The following AGPAT5 variants were observed in gnomAD, a reference collection of about 807,000 sequenced individuals.
AGPAT5 encodes the protein 1-acyl-sn-glycerol-3-phosphate acyltransferase epsilon.
Under a neutral mutation model 45.6 loss-of-function variants are expected in AGPAT5, and 46 were observed. The observed-to-expected ratio is 1.01, with a 90% CI of 0.80 to 1.29. AGPAT5 has a LOEUF of 1.29. AGPAT5 is among the 50% of genes most tolerant of loss of function. AGPAT5 has a pLI of 0.00. For synonymous variants in AGPAT5, 272 were observed against 167.0 expected (o/e 1.63, Z -4.85); for missense variants, 673 against 450.7 (o/e 1.49, Z -4.47).
At chr8:6,724,684 A>G (rs1356150977) in intron 1 of AGPAT5, among the ~76,000 whole-genome samples, 186 bp from the exon 2 acceptor site, 6 of 152,176 alleles carry the variant, frequency 3.9e-5, no homozygotes, top group Admixed American at 2.6e-4. Flanking sequence ...AACCTGTACT[A>G]TACATAACTG....
Position 6,747,841 on chromosome 8 carries a change from A to C in AGPAT5, c.745+13A>C, listed in dbSNP as rs1360274120. On this transcript the variant is annotated intron_variant, in intron 6 of 7. Transcript: ENST00000285518. ...CCGACCATGACGGGTAAGTGTGTTC[A>C]CGCACCTGAAATGCCTGTACACGGT... 12 of 1,613,484 alleles carry C rather than the reference A, an allele frequency of 7.4e-6. No individual in the cohort carries two copies. The highest frequency in any genetic ancestry group is 8.5e-6 in the Non-Finnish European group (10 of 1,179,604).
At chr8:6,732,200 G>T (rs1800888311) in intron 3 of AGPAT5, among the ~76,000 whole-genome samples, 1 of 152,038 alleles carries the variant, frequency 6.6e-6, no homozygotes, top group Non-Finnish European at 1.5e-5. Flanking sequence ...ACGCTTTTTA[G>T]TGACTCTGTA....
chr8:6,749,479 C>T (rs201497819), intron 6 of AGPAT5, among the ~76,000 whole-genome samples: 2 of 152,126 alleles, frequency 1.3e-5, no homozygotes, highest in South Asian at 2.1e-4. Flanking sequence ...TAAAACTGTA[C>T]GAAATGCACA....
chr8:6,751,777 C>G (rs1476072764), intron 6 of AGPAT5, among the ~76,000 whole-genome samples: 1 of 151,936 alleles, frequency 6.6e-6, no homozygotes, highest in East Asian at 1.9e-4. Flanking sequence ...TTAAGGACAA[C>G]CTTTGGTATT....
At chr8:6,713,210 T>G (rs942833728) in intron 1 of AGPAT5, among the ~76,000 whole-genome samples, 1 of 152,226 alleles carries the variant, frequency 6.6e-6, no homozygotes, top group Non-Finnish European at 1.5e-5. Flanking sequence ...CCTCAGGTGA[T>G]CCTTCTGCCT....
rs77813810 is a variant in AGPAT5 at position 6,719,845 on chromosome 8, A to T, written c.220-5025A>T. 4.8e-4 allele frequency among the ~76,000 whole-genome samples: 73 copies of T among 152,308 alleles called. No individual in the cohort carries two copies. The East Asian group carries it at 0.014, about 29-fold the overall frequency. On this transcript the variant is annotated intron_variant, in intron 1 of 7. Transcript: ENST00000285518. ...TGTTCTAATCCGAGTGAACCTGACG[A>T]AAATGGAAGGTTTGGAGTCAATGCA...
intron 5 of AGPAT5, among the ~76,000 whole-genome samples, chr8:6,747,373 A>G (rs1801509765): frequency 1.3e-5 from 2 of 152,170 alleles, no homozygotes; most frequent in African/African-American, 4.8e-5. Flanking sequence ...GAGGGCACTA[A>G]TATTTACCCT....
Position 6,760,979 on chromosome 8 carries a change from C to T in AGPAT5, c.*3591C>T, listed in dbSNP as rs1446044604. On this transcript the variant is annotated 3_prime_UTR_variant, in exon 8 of 8. Coordinates refer to ENST00000285518, the MANE Select transcript of AGPAT5 (RefSeq NM_018361.5). ...AGTAGCTACAACTCTTCGATACTAT[C>T]ATCAATATTTGACATCTTTTCCAAT... is the stretch of plus-strand genomic sequence containing the variant. 6.6e-6 allele frequency among the ~76,000 whole-genome samples: 1 copy of T among 152,186 alleles called. No homozygotes were observed.
intron 5 of AGPAT5, 35 bp from the exon 6 acceptor site, chr8:6,747,635 T>C (rs1438490805): frequency 6.3e-7 from 1 of 1,587,366 alleles, no homozygotes; most frequent in Non-Finnish European, 8.6e-7. Context: ...AGGTGTTTTG[T>C]AACTAATTAA....
rs751304366 is a variant in AGPAT5, at chr8:6,747,654, C to G, written c.587-16C>G. The stretch of plus-strand genomic sequence containing the variant: ...GTTTTGTAACTAATTAATGACGGCA[C>G]TGAATTGACTTCTAGGCCTTGCAGT... On this transcript the variant is annotated splice_polypyrimidine_tract_variant and intron_variant, in intron 5 of 7. Coordinates refer to ENST00000285518, the MANE Select transcript of AGPAT5 (RefSeq NM_018361.5). The G allele has an allele frequency of 3.1e-6, 5 of 1,602,316 alleles. No individual in the cohort carries two copies. Among genetic ancestry groups the G allele is most frequent in the Non-Finnish European group, 4.3e-6 (5 of 1,172,196 alleles).
At chr8:6,755,946 A>T (rs900248324) in intron 7 of AGPAT5, among the ~76,000 whole-genome samples, 1 of 152,134 alleles carries the variant, frequency 6.6e-6, no homozygotes, top group East Asian at 1.9e-4. Context: ...ATTTAAAAGT[A>T]AGATCTACAT....
intron 1 of AGPAT5, among the ~76,000 whole-genome samples, chr8:6,724,569 G>A (rs1419797410): frequency 6.6e-6 from 1 of 152,188 alleles, no homozygotes; most frequent in Non-Finnish European, 1.5e-5. Flanking sequence ...TTTGAAGGAA[G>A]ATATATCTTA....
At chr8:6,733,563 G>A (rs1341901050) in intron 4 of AGPAT5, among the ~76,000 whole-genome samples, 4 of 152,184 alleles carry the variant, frequency 2.6e-5, no homozygotes, top group Non-Finnish European at 4.4e-5. Flanking sequence ...CCTTTATCCT[G>A]TTATAGCTAA....
chr8:6,756,401 C>G (rs1188311512), intron 7 of AGPAT5, among the ~76,000 whole-genome samples: 2 of 151,970 alleles, frequency 1.3e-5, no homozygotes, highest in Non-Finnish European at 1.5e-5. Context: ...CTAAGGCAGG[C>G]AAATTGCTTG....
At chr8:6,733,243 C>G (rs1800931844) in intron 4 of AGPAT5, among the ~76,000 whole-genome samples, 1 of 152,202 alleles carries the variant, frequency 6.6e-6, no homozygotes. Context: ...ACCGGGGCGA[C>G]TTGGGCTTTC....
At chr8:6,710,093 G>A (rs901371223) in intron 1 of AGPAT5, among the ~76,000 whole-genome samples, 1 of 152,058 alleles carries the variant, frequency 6.6e-6, no homozygotes, top group Non-Finnish European at 1.5e-5. Flanking sequence ...GCCTGGGATG[G>A]GATATAAGCT....
At chr8:6,714,198 G>C (rs546271929) in intron 1 of AGPAT5, among the ~76,000 whole-genome samples, 1 of 152,244 alleles carries the variant, frequency 6.6e-6, no homozygotes, top group Admixed American at 6.5e-5. Context: ...ACTCTTCTCT[G>C]CTTATTTGCC....
At chr8:6,748,564 G>A (rs2116948621) in intron 6 of AGPAT5, among the ~76,000 whole-genome samples, 1 of 152,278 alleles carries the variant, frequency 6.6e-6, no homozygotes, top group East Asian at 1.9e-4. Flanking sequence ...GAGTGCAGTG[G>A]CGCAATCTTG....
intron 4 of AGPAT5, among the ~76,000 whole-genome samples, chr8:6,740,741 G>T (rs1441664422): frequency 4.6e-5 from 7 of 151,982 alleles, no homozygotes. Context: ...GATGAAGGAA[G>T]GCTTCTGTAC....
Sources: allele counts gnomAD v4.1 joint callset (sites outside exome capture counted in the v4.1 genomes callset), GRCh38; gene constraint gnomAD v4.1.1; transcripts MANE v1.5; gene names NCBI Gene and HGNC (gene_info 2026-07-23, HGNC 2026-07-21).